Variants in BTK observed in about 807,000 individuals in gnomAD.
The protein encoded by BTK is tyrosine-protein kinase BTK.
A neutral mutation model predicts 57.4 loss-of-function variants in BTK; 5 were observed. The ratio of observed to expected loss-of-function variants is 0.09; its 90% CI spans 0.05 to 0.18. The LOEUF is 0.18. Ranked by LOEUF, BTK falls within the 10% of genes least tolerant of loss-of-function variation. The pLI is 1.00. For missense variants in BTK, 194 were observed against 501.2 expected (o/e 0.39, Z 5.85); for synonymous variants, 154 against 174.3 (o/e 0.88, Z 0.92).
At chrX:101,355,815 G>A (rs1926458075) in intron 15 of BTK, 5 of 426,416 alleles carry the variant, frequency 1.2e-5, no homozygotes, top group African/African-American at 2.4e-5. Context: ...GTGGGTGGTA[G>A]GGGGTTGGGA....
At chrX:101,360,189 C>G (rs782789002) in intron 8 of BTK, 39 bp from the exon 9 acceptor site, 2 of 1,041,272 alleles carry the variant, frequency 1.9e-6, no homozygotes, top group South Asian at 3.7e-5. Context: ...CCAGCACCTC[C>G]CCAGCCTCCA....
intron 18 of BTK, chrX:101,352,988 T>A (rs1202973165): frequency 2.5e-6 from 1 of 399,286 alleles, no homozygotes; most frequent in African/African-American, 2.7e-5. Context: ...ATCGCTTGAA[T>A]CTGGGAGGCG....
At chrX:101,377,776 C>T (rs1005592452) in intron 1 of BTK, 2 of 111,431 alleles carry the variant, frequency 1.8e-5, no homozygotes, top group African/African-American at 3.3e-5. Context: ...TAGCCATCGC[C>T]CCTCTGAGCA....
intron 1 of BTK, among the ~76,000 whole-genome samples, chrX:101,376,620 T>C (rs1927222803): frequency 1.8e-5 from 2 of 109,867 alleles, no homozygotes; most frequent in Non-Finnish European, 3.8e-5. Flanking sequence ...AGAGCGAAAC[T>C]CCGTCTCAAA....
intron 6 of BTK, 50 bp downstream of exon 6, chrX:101,362,496 AGACCCTTGGGAGAGT>A (rs1926705746): frequency 8.3e-7 from 1 of 1,199,928 alleles, no homozygotes; most frequent in Admixed American, 2.2e-5. Flanking sequence ...TGGGCTTGAC[AGACCCTTGGGAGAGT>A]GATGGAAACA....
intron 5 of BTK, among the ~76,000 whole-genome samples, chrX:101,365,574 T>C (rs1314912464): frequency 8.9e-6 from 1 of 112,277 alleles, no homozygotes; most frequent in African/African-American, 3.2e-5. Context: ...CATTCCCCTA[T>C]TGGGAAGCAC....
chrX:101,349,656 T>C lies in BTK; in HGVS notation c.*229A>G, dbSNP rs1569289761. The C allele has an allele frequency of 2.4e-6, 1 of 413,952 alleles. No homozygotes were observed. The highest frequency in any genetic ancestry group is 4.2e-6 in the Non-Finnish European group (1 of 237,593). 34.1% of individuals were successfully genotyped at this position (413,952 alleles called of 1,213,427 possible). A position where few individuals can be genotyped will look rare whatever the true frequency, so the allele number is the denominator to read the frequency against. ...ATATTTTCATCGCAAATTCAGTCTG[T>C]CTTAATTCTCTCGGGAAATTTCAGG... On this transcript the variant is annotated 3_prime_UTR_variant, in exon 19 of 19. Transcript: ENST00000308731.
At chrX:101,381,483 G>T (rs1293183004) in intron 1 of BTK, among the ~76,000 whole-genome samples, 1 of 111,830 alleles carries the variant, frequency 8.9e-6, no homozygotes, top group African/African-American at 3.3e-5. Context: ...GTCCCAAGAA[G>T]CATCCTTCAC....
chrX:101,352,959 G>T, intron 18 of BTK: 1 of 377,005 alleles, frequency 2.7e-6, no homozygotes, highest in Non-Finnish European at 4.6e-6. Context: ...CCAGCTACTT[G>T]GGAGGCTGAG....
At chrX:101,360,266 T>C in intron 8 of BTK, 116 bp from the exon 9 acceptor site, 1 of 580,692 alleles carries the variant, frequency 1.7e-6, no homozygotes, top group Non-Finnish European at 3.0e-6. Flanking sequence ...ATATGTATCA[T>C]GCACCTCCCT....
Position 101,375,330 on chromosome X carries a change from G to T in BTK, c.-30-16C>A, listed in dbSNP as rs1927174151. On this transcript the variant is annotated splice_polypyrimidine_tract_variant and intron_variant, in intron 1 of 18. Transcript: ENST00000308731. ...CACCTGTGTGCTGTTGATAATGAAA[G>T]TTCCTGAGGACCCAGGACATTAATC... 10 of 1,202,651 alleles carry T rather than the reference G, an allele frequency of 8.3e-6. 1 individual carries two copies. In the Middle Eastern group the frequency reaches 2.1e-3, roughly 250 times the overall value.
chrX:101,358,565 A>T lies in BTK; in HGVS notation c.974+52T>A, dbSNP rs376579736. 2,143 of 1,175,063 alleles carry T rather than the reference A, an allele frequency of 1.8e-3. 1 individual carries two copies. Among genetic ancestry groups the T allele is most frequent in the Non-Finnish European group, 2.3e-3 (1,981 of 863,446 alleles). On this transcript the variant is annotated intron_variant, in intron 11 of 18. Coordinates refer to ENST00000308731, the MANE Select transcript of BTK (RefSeq NM_000061.3). ...ACGGGCACAGCATCAAGGAGCTATT[A>T]GGAGGGTACCCCTGTTCTTTGTCCT...
At chrX:101,359,197 A>G in intron 10 of BTK, 96 bp downstream of exon 10, 1 of 978,739 alleles carries the variant, frequency 1.0e-6, no homozygotes, top group East Asian at 3.1e-5. Flanking sequence ...CAGCTTTGAC[A>G]CTGCCTTGCC....
At chrX:101,354,891 T>C (rs1555977630) in intron 15 of BTK, among the ~76,000 whole-genome samples, 197 bp from the exon 16 acceptor site, 1 of 112,097 alleles carries the variant, frequency 8.9e-6, no homozygotes, top group Non-Finnish European at 1.9e-5. Flanking sequence ...CAACCTGCTG[T>C]GTAGTCCTAG....
At chrX:101,376,680 A>T (rs1293478104) in intron 1 of BTK, among the ~76,000 whole-genome samples, 1 of 109,285 alleles carries the variant, frequency 9.2e-6, no homozygotes, top group African/African-American at 3.3e-5. Flanking sequence ...GTAACGAAAA[A>T]ACCACCAGCC....
intron 13 of BTK, 97 bp from the exon 14 acceptor site, chrX:101,357,052 T>A: frequency 1.1e-6 from 1 of 946,773 alleles, no homozygotes; most frequent in Non-Finnish European, 1.5e-6. Flanking sequence ...GGAAAACTAG[T>A]AAAAGGGAAA....
intron 5 of BTK, among the ~76,000 whole-genome samples, chrX:101,368,216 G>C (rs1268025288): frequency 1.8e-5 from 2 of 112,453 alleles, no homozygotes; most frequent in Non-Finnish European, 3.7e-5. Context: ...TTAAAGAAGA[G>C]CCTGTATCAC....
chrX:101,362,860 C>CTGTG, intron 5 of BTK, 171 bp from the exon 6 acceptor site: 1 of 625,081 alleles, frequency 1.6e-6, no homozygotes, highest in Non-Finnish European at 2.6e-6. Flanking sequence ...GCCTGCCTGA[C>CTGTG]TGTGCCCTGG....
chrX:101,366,517 A>T (rs1473941935), intron 5 of BTK, among the ~76,000 whole-genome samples: 1 of 111,279 alleles, frequency 9.0e-6, no homozygotes, highest in Non-Finnish European at 1.9e-5. Flanking sequence ...AAAAACATAA[A>T]AACAAACAAG....
Sources: allele counts gnomAD v4.1 joint callset (sites outside exome capture counted in the v4.1 genomes callset), GRCh38; gene constraint gnomAD v4.1.1; transcripts MANE v1.5; gene names NCBI Gene and HGNC (gene_info 2026-07-23, HGNC 2026-07-21).